Variants in IGF1R observed in about 807,000 individuals in gnomAD.
IGF1R encodes insulin-like growth factor 1 receptor.
In IGF1R, 44 loss-of-function variants were observed where a neutral mutation model predicts 144.6. The ratio of observed to expected loss-of-function variants is 0.30; its 90% CI spans 0.24 to 0.39. IGF1R has a LOEUF of 0.39. Among genes scored for constraint, IGF1R ranks in the 10% least tolerant of loss-of-function variants. The pLI is 1.00. For synonymous variants in IGF1R, 795 were observed against 722.8 expected (o/e 1.10, Z -1.60); for missense variants, 1,355 against 1,833.7 (o/e 0.74, Z 4.77).
At chr15:98,919,888 A>G (rs1353701394) in intron 10 of IGF1R, among the ~76,000 whole-genome samples, 1 of 152,214 alleles carries the variant, frequency 6.6e-6, no homozygotes, top group African/African-American at 2.4e-5. Context: ...GATTTCTTTC[A>G]GTTCATTCTG....
At chr15:98,728,033 C>T (rs1347462222) in intron 2 of IGF1R, among the ~76,000 whole-genome samples, 3 of 58,898 alleles carry the variant, frequency 5.1e-5, no homozygotes, top group Non-Finnish European at 7.8e-5. Flanking sequence ...TTTTTTTAAG[C>T]GAGCAGCAGC....
intron 20 of IGF1R, among the ~76,000 whole-genome samples, chr15:98,954,931 G>A (rs764542167): frequency 3.9e-5 from 6 of 152,152 alleles, no homozygotes; most frequent in Non-Finnish European, 8.8e-5. Flanking sequence ...AGGGTCTCCT[G>A]GTGGCCCCAG....
chr15:98,922,326 C>T lies in IGF1R; in HGVS notation c.2380C>T (p.Arg794Trp), dbSNP rs753047347. The T allele has an allele frequency of 1.9e-5, 30 of 1,614,024 alleles. No individual in the cohort carries two copies. Among genetic ancestry groups the T allele is most frequent in the Non-Finnish European group, 2.2e-5 (26 of 1,180,014 alleles). Residue 794 changes from arginine (R) to tryptophan (W), a missense_variant, in exon 11 of 21, where the codon CGG (arginine) becomes TGG (tryptophan). By Grantham distance (101) the Arg-to-Trp change is moderately radical. Coordinates refer to ENST00000650285, the MANE Select transcript of IGF1R (RefSeq NM_000875.5). Reference protein sequence around the residue: ...NKERTVISNLRPFTLYRIDIH... With the variant: ...NKERTVISNLWPFTLYRIDIH... ...GGAGAGAACTGTCATTTCTAACCTT[C>T]GGCCTTTCACATTGTACCGCATCGA...
chr15:98,800,344 A>G (rs1480465846), intron 2 of IGF1R, among the ~76,000 whole-genome samples: 1 of 152,204 alleles, frequency 6.6e-6, no homozygotes, highest in Non-Finnish European at 1.5e-5. Flanking sequence ...TAAGATTTCT[A>G]GCAGGCTGCA....
chr15:98,874,728 A>G (rs185913807), intron 2 of IGF1R, among the ~76,000 whole-genome samples: 22 of 152,336 alleles, frequency 1.4e-4, no homozygotes, highest in Admixed American at 1.4e-3. Flanking sequence ...TCCATTGGGC[A>G]TTCATCTAAT....
chr15:98,885,266 C>A (rs1246134107), intron 2 of IGF1R, among the ~76,000 whole-genome samples: 4 of 152,202 alleles, frequency 2.6e-5, no homozygotes, highest in African/African-American at 7.2e-5. Context: ...CAAAAGAAGC[C>A]TTTCTCATTT....
chr15:98,734,802 C>T (rs931040912), intron 2 of IGF1R: 7 of 152,132 alleles, frequency 4.6e-5, no homozygotes, highest in Non-Finnish European at 2.9e-5. Context: ...AATAACTTTT[C>T]TTCTAAGTGT....
At chr15:98,730,912 G>T (rs2054482919) in intron 2 of IGF1R, among the ~76,000 whole-genome samples, 2 of 151,884 alleles carry the variant, frequency 1.3e-5, no homozygotes, top group Non-Finnish European at 2.9e-5. Context: ...ATTATTTTCT[G>T]GTGGCTTATG....
intron 2 of IGF1R, among the ~76,000 whole-genome samples, chr15:98,767,234 C>T (rs1208713580): frequency 2.0e-5 from 3 of 152,152 alleles, no homozygotes; most frequent in Admixed American, 6.5e-5. Flanking sequence ...TGAGTGACCT[C>T]AGTATTTAAA....
intron 2 of IGF1R, among the ~76,000 whole-genome samples, chr15:98,811,768 T>C (rs1409281596): frequency 6.7e-6 from 1 of 148,996 alleles, no homozygotes; most frequent in Non-Finnish European, 1.5e-5. Context: ...CCACTAAAAA[T>C]ACAGAAAATT....
chr15:98,847,329 C>G (rs2011369911), intron 2 of IGF1R, among the ~76,000 whole-genome samples: 1 of 152,130 alleles, frequency 6.6e-6, no homozygotes. Flanking sequence ...ATGGAAAGCT[C>G]CGTAGATGCC....
At chr15:98,881,392 C>T (rs2013367025) in intron 2 of IGF1R, among the ~76,000 whole-genome samples, 2 of 152,254 alleles carry the variant, frequency 1.3e-5, no homozygotes, top group African/African-American at 2.4e-5. Flanking sequence ...GCGATCTCAG[C>T]TCACTGCAAC....
chr15:98,936,404 A>C (rs768738903), intron 17 of IGF1R, among the ~76,000 whole-genome samples: 4 of 152,172 alleles, frequency 2.6e-5, no homozygotes, highest in Non-Finnish European at 5.9e-5. Flanking sequence ...TTGAGTAATT[A>C]ATTCTACAAA....
At chr15:98,789,625 T>C (rs533183352) in intron 2 of IGF1R, among the ~76,000 whole-genome samples, 13 of 152,242 alleles carry the variant, frequency 8.5e-5, no homozygotes, top group Non-Finnish European at 1.8e-4. Flanking sequence ...ACTTCTGATG[T>C]AGACCTTTAA....
chr15:98,851,611 G>A (rs543730994), intron 2 of IGF1R, among the ~76,000 whole-genome samples: 1 of 152,284 alleles, frequency 6.6e-6, no homozygotes, highest in East Asian at 1.9e-4. Flanking sequence ...GCATCCCCAG[G>A]TGCTGCCCAA....
intron 4 of IGF1R, among the ~76,000 whole-genome samples, chr15:98,897,732 T>C (rs2014273826): frequency 6.6e-6 from 1 of 152,174 alleles, no homozygotes; most frequent in Non-Finnish European, 1.5e-5. Context: ...CACACTACCA[T>C]GTCTGGATAA....
chr15:98,815,808 G>A (rs556051964), intron 2 of IGF1R, among the ~76,000 whole-genome samples: 1 of 152,240 alleles, frequency 6.6e-6, no homozygotes, highest in Admixed American at 6.5e-5. Flanking sequence ...TTGATGTGGG[G>A]CAGCCTGTTC....
In IGF1R at chr15:98,963,674, G is replaced by A. The variant is rs886051618; in HGVS notation, c.*6232G>A. 39 of 233,120 alleles carry A rather than the reference G, an allele frequency of 1.7e-4. No homozygotes were observed. The highest frequency in any genetic ancestry group is 2.5e-5 in the Non-Finnish European group (3 of 118,042). 14.4% of individuals were successfully genotyped at this position (233,120 alleles called of 1,614,324 possible). A position where few individuals can be genotyped will look rare whatever the true frequency, so the allele number is the denominator to read the frequency against. ...GATCACATAAACGATGACAGCTATG[G>A]GGCACACAGGCCATTTGCTTACATG... On this transcript the variant is annotated 3_prime_UTR_variant, in exon 21 of 21. Transcript: ENST00000650285.
chr15:98,761,710 C>G (rs8038291), intron 2 of IGF1R, among the ~76,000 whole-genome samples: 3,517 of 152,356 alleles, frequency 0.023, 127 homozygotes, highest in African/African-American at 0.079. Context: ...TGAGCTTGAA[C>G]TGTTGTCCCT....
Sources: gnomAD v4.1 joint callset for allele counts (sites outside exome capture counted in the v4.1 genomes callset) on GRCh38, gnomAD v4.1.1 for gene constraint, MANE v1.5 for transcripts, NCBI Gene and HGNC (gene_info 2026-07-23, HGNC 2026-07-21) for gene names.